DNASE1: variants seen among roughly 807,000 people sequenced by gnomAD.
DNASE1 encodes the protein deoxyribonuclease 1.
In DNASE1, 40 loss-of-function variants were observed where a neutral mutation model predicts 33.9. That is an observed-to-expected ratio of 1.18 (90% CI 0.92 to 1.54). DNASE1 has a LOEUF of 1.54. Ranked by LOEUF, DNASE1 falls within the 40% of genes most tolerant of loss-of-function variation. The pLI, the probability that DNASE1 is intolerant of heterozygous loss-of-function variation, is 0.00. For synonymous variants in DNASE1, 216 were observed against 160.0 expected, an observed-to-expected ratio of 1.35 and a Z score of -2.64; for missense variants, 518 against 372.6, an observed-to-expected ratio of 1.39 and a Z score of -3.21.
At chr16:3,628,721 G>A (rs991854974) in intron 1 of DNASE1, among the ~76,000 whole-genome samples, 3 of 151,134 alleles carry the variant, frequency 2.0e-5, no homozygotes, top group Non-Finnish European at 4.4e-5. Flanking sequence ...ACCACGCCCG[G>A]CTAATTTTTT....
chr16:3,664,519 C>G (rs2050781568), exon 10 of DNASE1: 2 of 1,525,532 alleles, frequency 1.3e-6, no homozygotes, highest in African/African-American at 2.8e-5. Context: ...TGTTGCCCAA[C>G]TAACTGGGCG....
At chr16:3,620,309 A>G (rs2041261184) in intron 1 of DNASE1, among the ~76,000 whole-genome samples, 1 of 152,090 alleles carries the variant, frequency 6.6e-6, no homozygotes, top group African/African-American at 2.4e-5. Flanking sequence ...TAGTCACGTG[A>G]CTGGGTAACA....
At position 3,628,011 on chromosome 16, in the gene DNASE1, G is replaced by C. The variant is rs937557872; in HGVS notation, c.-1358-12704G>C. Among the ~76,000 whole-genome samples, 8 of 149,256 alleles carry C rather than the reference G, an allele frequency of 5.4e-5. No individual in the cohort carries two copies. In the East Asian group the frequency reaches 1.6e-3, roughly 29 times the overall value. ...ACATATGAATCAGTAGCTCACTTTT[G>C]GGAGTATTGACATCTTAACAATATT... On this transcript the variant is annotated intron_variant and NMD_transcript_variant, in intron 1 of 11. Transcript: ENST00000570769.
downstream of DNASE1, chr16:3,658,131 A>G (rs1049863556): frequency 5.6e-6 from 9 of 1,613,836 alleles, no homozygotes; most frequent in African/African-American, 8.0e-5. Flanking sequence ...CCTGGCTGTC[A>G]GTGTCGCTCC....
rs758497994 is a variant in DNASE1, at chr16:3,655,426, A to C, written c.53A>C (p.Gln18Pro). ...GALLALAALL[Q>P]GAVSLKIAAF... ...CTGCTGGCACTGGCGGCCCTACTGCAGGGGGCCGTGTCCCTGAAGATCGCA... is the reference window on the plus strand; with the variant it reads ...CTGCTGGCACTGGCGGCCCTACTGCCGGGGGCCGTGTCCCTGAAGATCGCA... The change falls in exon 2 of 9, where the codon CAG (glutamine) becomes CCG (proline). Residue 18 changes from glutamine to proline, a missense_variant. Coordinates refer to ENST00000246949, the MANE Select transcript of DNASE1 (RefSeq NM_005223.4). 37 of 1,613,916 alleles carry C rather than the reference A, an allele frequency of 2.3e-5. No individual in the cohort carries two copies. The highest frequency in any genetic ancestry group is 7.6e-6 in the Non-Finnish European group (9 of 1,180,010).
chr16:3,631,517 T>TTTTTG (rs1044245634), intron 1 of DNASE1, among the ~76,000 whole-genome samples: 3 of 139,458 alleles, frequency 2.2e-5, no homozygotes, highest in East Asian at 4.4e-4. Flanking sequence ...CTTATAGGTT[T>TTTTTG]TTTTGTTTTG....
intron 1 of DNASE1, 37 bp downstream of exon 1, chr16:3,655,081 G>A (rs559680943): frequency 1.1e-4 from 63 of 587,004 alleles, no homozygotes; most frequent in African/African-American, 8.4e-4. Context: ...GTGACTGGCC[G>A]GTTTGGAGCA....
chr16:3,646,866 G>C (rs2042188364), intron 1 of DNASE1, among the ~76,000 whole-genome samples: 1 of 152,000 alleles, frequency 6.6e-6, no homozygotes, highest in African/African-American at 2.4e-5. Flanking sequence ...GGGGGAGCGG[G>C]GCCTAGGATG....
At chr16:3,615,939 T>A (rs2041086090) in intron 1 of DNASE1, among the ~76,000 whole-genome samples, 4 of 152,222 alleles carry the variant, frequency 2.6e-5, no homozygotes, top group Non-Finnish European at 5.9e-5. Flanking sequence ...CACCTCCCTC[T>A]CCTTTATCTT....
intron 1 of DNASE1, among the ~76,000 whole-genome samples, chr16:3,619,394 C>T (rs1280814916): frequency 1.3e-5 from 2 of 150,592 alleles, no homozygotes; most frequent in Admixed American, 1.3e-4. Flanking sequence ...CAGAGTCTCG[C>T]TCTGTCGCCC....
In DNASE1 at chr16:3,654,794, A is replaced by C. The variant is rs949299652; in HGVS notation, c.-252A>C. 1 of 401,744 alleles carries C rather than the reference A, an allele frequency of 2.5e-6. No individual in the cohort carries two copies. The allele number at this position is 401,744 out of a possible 1,614,324, so 24.9% of individuals were successfully genotyped here. A position where few individuals can be genotyped will look rare whatever the true frequency, so the allele number is the denominator to read the frequency against. ...CAGAGCCATTGTTTTCTGCACTCTC[A>C]GGTGACGGCTCACATTTGCCCCAGG... On this transcript the variant is annotated 5_prime_UTR_variant, in exon 1 of 9. Coordinates refer to ENST00000246949, the MANE Select transcript of DNASE1 (RefSeq NM_005223.4).
At position 3,655,393 on chromosome 16, in the gene DNASE1, TG is replaced by T. The variant is rs746491054; in HGVS notation, c.25del (p.Ala9ArgfsTer15). MRGMKL[L>X]GALLALAALL... ...CCCAGGATGAGGGGCATGAAGCTGCTGGGGGCGCTGCTGGCACTGGCGGCCC... is the reference window on the plus strand; with the variant it reads ...CCCAGGATGAGGGGCATGAAGCTGCTGGGGCGCTGCTGGCACTGGCGGCCC... On this transcript the variant is annotated frameshift_variant, in exon 2 of 9. Transcript: ENST00000246949. LOFTEE classifies it high-confidence loss of function. 1 of 1,614,130 alleles carries T rather than the reference TG, an allele frequency of 6.2e-7. No homozygotes were observed. Among genetic ancestry groups the T allele is most frequent in the Non-Finnish European group, 8.5e-7 (1 of 1,180,016 alleles).
At chr16:3,655,963 G>A in intron 3 of DNASE1, 26 bp downstream of exon 3, 1 of 1,613,426 alleles carries the variant, frequency 6.2e-7, no homozygotes, top group Non-Finnish European at 8.5e-7. Context: ...AGGGTCATAG[G>A]AAGGTGACAT....
rs750946482 is a variant in DNASE1 at position 3,657,271 on chromosome 16, C to T, written c.634C>T (p.Pro212Ser). 3 of 1,613,924 alleles carry T rather than the reference C, an allele frequency of 1.9e-6. No homozygotes were observed. Among genetic ancestry groups the T allele is most frequent in the East Asian group, 4.5e-5 (2 of 44,894 alleles). Residue 212 changes from proline (P) to serine (S), a missense_variant, in exon 7 of 9, where the codon CCC becomes TCC. Transcript: ENST00000246949. ...GTCATCCATCCGCCTGTGGACAAGCCCCACCTTCCAGTGGCTGATCCCCGA... is the reference window on the plus strand; with the variant it reads ...GTCATCCATCCGCCTGTGGACAAGCTCCACCTTCCAGTGGCTGATCCCCGA... The part of the protein sequence containing the change: ...QWSSIRLWTS[P>S]TFQWLIPDSA...
At chr16:3,663,007 C>A, downstream of DNASE1, 1 of 1,521,966 alleles carries the variant, frequency 6.6e-7, no homozygotes, top group Non-Finnish European at 8.9e-7. Flanking sequence ...GGCCTGCATC[C>A]CAACTCCCCG....
At chr16:3,635,625 T>C (rs2041846912) in intron 1 of DNASE1, among the ~76,000 whole-genome samples, 2 of 152,010 alleles carry the variant, frequency 1.3e-5, no homozygotes, top group Non-Finnish European at 1.5e-5. Context: ...TGATGACAGA[T>C]TCTGTTAATT....
intron 1 of DNASE1, among the ~76,000 whole-genome samples, chr16:3,635,463 A>C: frequency 6.7e-6 from 1 of 149,324 alleles, no homozygotes; most frequent in East Asian, 1.9e-4. Context: ...GTCTCAAAAA[A>C]AAAAAAAAAA....
At chr16:3,630,995 T>C (rs1251485655) in intron 1 of DNASE1, among the ~76,000 whole-genome samples, 1 of 152,072 alleles carries the variant, frequency 6.6e-6, no homozygotes, top group East Asian at 1.9e-4. Context: ...GTCATTTTGC[T>C]GTTTCTTTTC....
intron 1 of DNASE1, among the ~76,000 whole-genome samples, chr16:3,621,210 C>T (rs927019114): frequency 1.3e-5 from 2 of 152,038 alleles, no homozygotes; most frequent in Non-Finnish European, 1.5e-5. Context: ...CTCAGTATCC[C>T]GAGTAGCCAA....
Sources: gnomAD v4.1 joint callset for allele counts (sites outside exome capture counted in the v4.1 genomes callset) on GRCh38, gnomAD v4.1.1 for gene constraint, MANE v1.5 for transcripts, NCBI Gene and HGNC (gene_info 2026-07-23, HGNC 2026-07-21) for gene names.